The following CADM1 variants were observed in gnomAD, a reference collection of about 807,000 sequenced individuals.
CADM1 encodes the protein TSLC-1.
CADM1 carries 15 observed loss-of-function variants against 53.1 expected under a neutral mutation model. That is an observed-to-expected ratio of 0.28 (90% confidence interval 0.19 to 0.44). CADM1 has a LOEUF of 0.44. Ranked by LOEUF, CADM1 falls within the 20% of genes least tolerant of loss-of-function variation. CADM1 has a pLI of 1.00. For missense variants in CADM1, 434 were observed against 611.3 expected (o/e 0.71, Z 3.06); for synonymous variants, 281 against 243.0 (o/e 1.16, Z -1.45).
At chr11:115,238,701 G>A (rs1942098889) in intron 2 of CADM1, 49 bp from the exon 3 acceptor site, 1 of 1,584,366 alleles carries the variant, frequency 6.3e-7, no homozygotes, top group Non-Finnish European at 8.7e-7. Flanking sequence ...TGGACGGACA[G>A]TCTATTTTCC....
At chr11:115,346,595 C>T (rs1240742000) in intron 1 of CADM1, among the ~76,000 whole-genome samples, 2 of 152,016 alleles carry the variant, frequency 1.3e-5, no homozygotes. Context: ...TTTCATGAAA[C>T]TTCTTTTTTG....
At position 115,328,733 on chromosome 11, in the gene CADM1, C is replaced by CATATATACGCGTATATGTATATAT. The variant is rs1945047834; in HGVS notation, c.125-88314_125-88313insATATATACATATACGCGTATATAT. Among the ~76,000 whole-genome samples, 2 of 111,032 alleles carry CATATATACGCGTATATGTATATAT rather than the reference C, an allele frequency of 1.8e-5. 1 individual carries two copies. The highest frequency in any genetic ancestry group is 5.8e-4 in the South Asian group (2 of 3,452). The allele number at this position is 111,032 out of a possible 152,430, so 72.8% of individuals were successfully genotyped here. On this transcript the variant is annotated intron_variant, in intron 1 of 11. Coordinates refer to ENST00000331581, the MANE Select transcript of CADM1 (RefSeq NM_001301043.2). Reference sequence around the variant, plus strand: ...ATATATGTGTATATATATGTATATACATATATATATATATAGAATCCAATC... The same window carrying CATATATACGCGTATATGTATATAT: ...ATATATGTGTATATATATGTATATACATATATACGCGTATATGTATATATATATATATATATATAGAATCCAATC...
chr11:115,499,728 T>C (rs529452160), intron 1 of CADM1, among the ~76,000 whole-genome samples: 1 of 152,374 alleles, frequency 6.6e-6, no homozygotes, highest in Non-Finnish European at 1.5e-5. Flanking sequence ...CTTCGGCTAC[T>C]TTACTTCAAA....
At chr11:115,381,831 T>C (rs532545129) in intron 1 of CADM1, among the ~76,000 whole-genome samples, 4 of 152,086 alleles carry the variant, frequency 2.6e-5, no homozygotes, top group Non-Finnish European at 5.9e-5. Context: ...CAAATAAAAA[T>C]CTATAAGTTC....
At chr11:115,494,476 A>C (rs1361950779) in intron 1 of CADM1, among the ~76,000 whole-genome samples, 1 of 152,170 alleles carries the variant, frequency 6.6e-6, no homozygotes, top group African/African-American at 2.4e-5. Context: ...TCTGTATTAG[A>C]AGACCCAGAA....
chr11:115,466,642 T>C (rs1402878320), intron 1 of CADM1, among the ~76,000 whole-genome samples: 1 of 152,158 alleles, frequency 6.6e-6, no homozygotes, highest in Non-Finnish European at 1.5e-5. Flanking sequence ...ATGTGTGAGA[T>C]CAAATTTGGA....
intron 11 of CADM1, among the ~76,000 whole-genome samples, chr11:115,178,355 C>T (rs140659261): frequency 5.9e-5 from 9 of 152,146 alleles, no homozygotes; most frequent in African/African-American, 2.2e-4. Context: ...CATTTTTCCT[C>T]TATCCCCAAT....
At chr11:115,398,308 T>C (rs1053120804) in intron 1 of CADM1, among the ~76,000 whole-genome samples, 1 of 152,206 alleles carries the variant, frequency 6.6e-6, no homozygotes, top group African/African-American at 2.4e-5. Flanking sequence ...TCTCTGAATG[T>C]GCAATGAACT....
At chr11:115,230,211 A>T (rs566460471) in intron 4 of CADM1, among the ~76,000 whole-genome samples, 1 of 152,306 alleles carries the variant, frequency 6.6e-6, no homozygotes, top group Admixed American at 6.5e-5. Context: ...ATATAGATTT[A>T]TCTGCTTCCA....
At chr11:115,237,093 C>G (rs1380355486) in intron 3 of CADM1, among the ~76,000 whole-genome samples, 2 of 152,126 alleles carry the variant, frequency 1.3e-5, no homozygotes, top group African/African-American at 4.8e-5. Flanking sequence ...GAAGTCTATG[C>G]TGCTAATGAC....
chr11:115,234,506 A>G (rs1014007655), intron 3 of CADM1, among the ~76,000 whole-genome samples: 9 of 152,174 alleles, frequency 5.9e-5, no homozygotes, highest in African/African-American at 1.4e-4. Context: ...TGAGTCCTGA[A>G]CCAGTGCTAG....
At chr11:115,424,559 G>C (rs901071628) in intron 1 of CADM1, among the ~76,000 whole-genome samples, 1 of 151,788 alleles carries the variant, frequency 6.6e-6, no homozygotes, top group African/African-American at 2.4e-5. Context: ...ATGGAGTCTC[G>C]CACTGTCTCC....
At chr11:115,246,202 T>G (rs2134947226) in intron 1 of CADM1, among the ~76,000 whole-genome samples, 1 of 152,298 alleles carries the variant, frequency 6.6e-6, no homozygotes, top group South Asian at 2.1e-4. Flanking sequence ...ACTTTAGTAT[T>G]TATCTAAAAT....
rs116936990 is a variant in CADM1, at chr11:115,356,505, T to C, written c.125-116085A>G. Among the ~76,000 whole-genome samples the C allele has an allele frequency of 1.8e-3, 273 of 152,200 alleles. 2 individuals are homozygous for C. The highest frequency in any genetic ancestry group is 5.8e-4 in the East Asian group (3 of 5,182). ...TGGCACATAAAGTGTCCTTGATAAATATTTTTTGAATGAGTAAATAAATAA... is the reference window on the plus strand; with the variant it reads ...TGGCACATAAAGTGTCCTTGATAAACATTTTTTGAATGAGTAAATAAATAA... On this transcript the variant is annotated intron_variant, in intron 1 of 11. Coordinates refer to ENST00000331581, the MANE Select transcript of CADM1 (RefSeq NM_001301043.2).
chr11:115,502,848 C>G (rs2135450460), intron 1 of CADM1, among the ~76,000 whole-genome samples: 1 of 152,332 alleles, frequency 6.6e-6, no homozygotes, highest in East Asian at 1.9e-4. Flanking sequence ...ACAAAAGGCA[C>G]AGCCCAAGCG....
chr11:115,350,429 C>A (rs1406483967), intron 1 of CADM1, among the ~76,000 whole-genome samples: 1 of 151,540 alleles, frequency 6.6e-6, no homozygotes, highest in Non-Finnish European at 1.5e-5. Context: ...GGTGGAAAGC[C>A]AGGGAGAGAG....
intron 1 of CADM1, among the ~76,000 whole-genome samples, chr11:115,359,754 G>A (rs1945979322): frequency 6.6e-6 from 1 of 152,150 alleles, no homozygotes; most frequent in East Asian, 1.9e-4. Context: ...TAGTTTAAAT[G>A]TAAGAGAATG....
chr11:115,242,635 C>T (rs748762962), intron 1 of CADM1, among the ~76,000 whole-genome samples: 1 of 152,100 alleles, frequency 6.6e-6, no homozygotes, highest in Non-Finnish European at 1.5e-5. Flanking sequence ...AGGCATAGGA[C>T]TTGCTTTGAG....
chr11:115,225,644 A>G (rs1028528197), intron 5 of CADM1, among the ~76,000 whole-genome samples: 6 of 152,212 alleles, frequency 3.9e-5, no homozygotes, highest in Non-Finnish European at 7.3e-5. Context: ...TCCAAGTTGC[A>G]GCTCAAGCCT....
Sources: gnomAD v4.1 joint callset for allele counts (sites outside exome capture counted in the v4.1 genomes callset) on GRCh38, gnomAD v4.1.1 for gene constraint, MANE v1.5 for transcripts, NCBI Gene and HGNC (gene_info 2026-07-23, HGNC 2026-07-21) for gene names.